KLRF2: variants seen among roughly 807,000 people sequenced by gnomAD.
The protein encoded by KLRF2 is killer cell lectin-like receptor subfamily F member 2.
A neutral mutation model predicts 25.3 loss-of-function variants in KLRF2; 28 were observed. That is an observed-to-expected ratio of 1.11 (90% CI 0.82 to 1.52). The LOEUF is 1.52. Among genes scored for constraint, KLRF2 ranks in the 40% most tolerant of loss-of-function variants. The pLI, the probability that KLRF2 is intolerant of heterozygous loss-of-function variation, is 0.00. For synonymous variants in KLRF2, 73 were observed against 85.0 expected (o/e 0.86, Z 0.78); for missense variants, 265 against 245.8 (o/e 1.08, Z -0.52).
At chr12:9,890,748 A>C (rs80286048) in intron 3 of KLRF2, among the ~76,000 whole-genome samples, 2,655 of 152,280 alleles carry the variant, frequency 0.017, 83 homozygotes, top group African/African-American at 0.06. Context: ...CTTGCTGTCT[A>C]ACATAACCTA....
intron 2 of KLRF2, among the ~76,000 whole-genome samples, chr12:9,885,821 A>G (rs1445483910): frequency 1.3e-5 from 2 of 152,202 alleles, no homozygotes; most frequent in East Asian, 3.9e-4. Context: ...GAAAATGTCC[A>G]CTTATTTAAC....
chr12:9,882,117 A>C lies in KLRF2; in HGVS notation c.70+452A>C, dbSNP rs553570595. On this transcript the variant is annotated intron_variant, in intron 1 of 5. Coordinates refer to ENST00000535540, the MANE Select transcript of KLRF2 (RefSeq NM_001190765.1). ...GGAATGCGAGAAGAGAGAAAAAAAA[A>C]CAAAAAAACATTAATCTTTGCTCCT... is the stretch of plus-strand genomic sequence containing the variant. Among the ~76,000 whole-genome samples, 384 of 152,272 alleles carry C rather than the reference A, an allele frequency of 2.5e-3. 3 individuals carry two copies. Among genetic ancestry groups the C allele is most frequent in the African/African-American group, 8.6e-3 (359 of 41,550 alleles).
At chr12:9,890,320 G>C (rs1270225943) in intron 3 of KLRF2, among the ~76,000 whole-genome samples, 2 of 152,164 alleles carry the variant, frequency 1.3e-5, no homozygotes, top group Non-Finnish European at 2.9e-5. Context: ...GTCAGGGCAC[G>C]TTTAATTAAG....
In KLRF2 at chr12:9,893,104, A is replaced by G; in HGVS notation, c.302A>G (p.Glu101Gly). Residue 101 changes from glutamate (E) to glycine (G), a missense_variant, in exon 4 of 6, where the codon GAG (glutamate) becomes GGG (glycine). Physicochemically the swap from Glu to Gly is moderately conservative, Grantham distance 98 (BLOSUM62 -2). Transcript: ENST00000535540. ...TCAACTTCTTTTAAAACGTGGAAAG[A>G]GAGTCAACGTGATTGTACACAGCTA... is the stretch of plus-strand genomic sequence containing the variant. Reference protein sequence around the residue: ...WFSTSFKTWKESQRDCTQLQA... With the variant: ...WFSTSFKTWKGSQRDCTQLQA... 4 of 1,535,690 alleles carry G rather than the reference A, an allele frequency of 2.6e-6. No homozygotes were observed. The South Asian group carries it at 4.8e-5, about 18-fold the overall frequency.
intron 3 of KLRF2, among the ~76,000 whole-genome samples, chr12:9,889,541 T>G (rs1862647873): frequency 6.6e-6 from 1 of 152,124 alleles, no homozygotes; most frequent in South Asian, 2.1e-4. Flanking sequence ...ATATTAATTT[T>G]TCCTGGGTTT....
intron 3 of KLRF2, among the ~76,000 whole-genome samples, chr12:9,889,981 G>T (rs956325647): frequency 1.3e-5 from 2 of 151,682 alleles, no homozygotes; most frequent in Non-Finnish European, 2.9e-5. Flanking sequence ...AAATATACAT[G>T]AAAGTAGAGA....
chr12:9,887,165 T>C (rs1293042680), intron 2 of KLRF2, among the ~76,000 whole-genome samples: 2 of 151,934 alleles, frequency 1.3e-5, no homozygotes, highest in Non-Finnish European at 2.9e-5. Flanking sequence ...AAAAGTAATA[T>C]AAACCATTTC....
intron 4 of KLRF2, 65 bp downstream of exon 4, chr12:9,893,233 T>C (rs1862707848): frequency 2.1e-6 from 3 of 1,433,996 alleles, no homozygotes; most frequent in Non-Finnish European, 2.8e-6. Flanking sequence ...GTTCACTGCC[T>C]AAGAAGCTTG....
intron 3 of KLRF2, among the ~76,000 whole-genome samples, chr12:9,892,038 C>T (rs751066663): frequency 6.6e-6 from 1 of 152,170 alleles, no homozygotes; most frequent in Non-Finnish European, 1.5e-5. Context: ...ACCTCACAAA[C>T]CTTCCAATCA....
At chr12:9,889,595 C>T (rs1247635047) in intron 3 of KLRF2, among the ~76,000 whole-genome samples, 1 of 151,854 alleles carries the variant, frequency 6.6e-6, no homozygotes, top group Non-Finnish European at 1.5e-5. Context: ...TTGCCTGCCC[C>T]CACAATTATA....
At chr12:9,889,832 G>T (rs757130090) in intron 3 of KLRF2, among the ~76,000 whole-genome samples, 1 of 151,964 alleles carries the variant, frequency 6.6e-6, no homozygotes, top group Non-Finnish European at 1.5e-5. Context: ...TTTCAGTTCT[G>T]ATATTTATAT....
intron 2 of KLRF2, among the ~76,000 whole-genome samples, chr12:9,885,542 G>A (rs1429085722): frequency 6.6e-6 from 1 of 151,820 alleles, no homozygotes; most frequent in African/African-American, 2.4e-5. Context: ...ACAGGAAATA[G>A]ATTTTGGGGG....
chr12:9,884,418 C>T (rs1868128535), intron 1 of KLRF2, among the ~76,000 whole-genome samples: 1 of 151,694 alleles, frequency 6.6e-6, no homozygotes, highest in African/African-American at 2.4e-5. Context: ...ATTTCCAGTA[C>T]AGTGACTGGT....
chr12:9,888,281 G>A (rs539059520), intron 2 of KLRF2, among the ~76,000 whole-genome samples: 27 of 151,778 alleles, frequency 1.8e-4, no homozygotes, highest in African/African-American at 6.3e-4. Context: ...ACGAGGTCAG[G>A]AGATCGAGAC....
chr12:9,885,509 A>T, intron 2 of KLRF2, among the ~76,000 whole-genome samples: 1 of 151,950 alleles, frequency 6.6e-6, no homozygotes, highest in East Asian at 1.9e-4. Context: ...AGCTCAAATG[A>T]GTAGTGTTTT....
In KLRF2 at chr12:9,881,560, A is replaced by G. The variant is rs766955276; in HGVS notation, c.-36A>G. 11 of 1,401,630 alleles carry G rather than the reference A, an allele frequency of 7.8e-6. No homozygotes were observed. The South Asian group carries it at 1.1e-4, about 14-fold the overall frequency. 86.8% of individuals were successfully genotyped at this position (1,401,630 alleles called of 1,614,324 possible). On this transcript the variant is annotated 5_prime_UTR_variant, in exon 1 of 6. Transcript: ENST00000535540. ...GATTAGTTTCCATTTTCTTTGTACTATTTTCTGGATAATAAGACATTAGAC... is the reference window on the plus strand; with the variant it reads ...GATTAGTTTCCATTTTCTTTGTACTGTTTTCTGGATAATAAGACATTAGAC...
intron 3 of KLRF2, among the ~76,000 whole-genome samples, chr12:9,889,359 G>A (rs1400876633): frequency 6.6e-6 from 1 of 152,016 alleles, no homozygotes; most frequent in Non-Finnish European, 1.5e-5. Context: ...TCACTGGGAA[G>A]ATATTTTTTA....
rs182372123 is a variant in KLRF2, at chr12:9,887,913, G to A, written c.170-820G>A. The stretch of plus-strand genomic sequence containing the variant: ...ATAAAAAAATACACAAAAATTAGCT[G>A]GGTGTGGAAGTGTGCGCCTGTACTC... On this transcript the variant is annotated intron_variant, in intron 2 of 5. Coordinates refer to ENST00000535540, the MANE Select transcript of KLRF2 (RefSeq NM_001190765.1). Among the ~76,000 whole-genome samples, 161 of 151,650 alleles carry A rather than the reference G, an allele frequency of 1.1e-3. 2 individuals are homozygous for A. Among genetic ancestry groups the A allele is most frequent in the African/African-American group, 3.8e-3 (157 of 41,372 alleles).
intron 1 of KLRF2, 37 bp from the exon 2 acceptor site, chr12:9,884,897 T>G (rs1415907909): frequency 2.3e-5 from 15 of 662,730 alleles, no homozygotes; most frequent in Non-Finnish European, 2.8e-5. Flanking sequence ...ATTTATAAAG[T>G]GAATAATCAC....
Sources: gnomAD v4.1 joint callset for allele counts (sites outside exome capture counted in the v4.1 genomes callset) on GRCh38, gnomAD v4.1.1 for gene constraint, MANE v1.5 for transcripts, NCBI Gene and HGNC (gene_info 2026-07-23, HGNC 2026-07-21) for gene names.